Variants in PDSS1 observed in about 807,000 individuals in gnomAD.
PDSS1 encodes all trans-polyprenyl-diphosphate synthase PDSS1.
A neutral mutation model predicts 57.5 loss-of-function variants in PDSS1; 43 were observed. The observed-to-expected ratio is 0.75, with a 90% CI of 0.59 to 0.96. The LOEUF is 0.96. PDSS1 is among the 50% of genes least tolerant of loss of function. The pLI is 0.00. For missense variants in PDSS1, 438 were observed against 527.8 expected, an observed-to-expected ratio of 0.83 and a Z score of 1.67; for synonymous variants, 175 against 191.3, an observed-to-expected ratio of 0.91 and a Z score of 0.70.
Position 26,697,799 on chromosome 10 carries a change from G to A in PDSS1, c.88G>A (p.Gly30Arg). ...CGGGCCCGGCTCCCCCGGCCGTGCG[G>A]GACCGTTGGGGCCGAGCGCCGCTGC... ...SPGPGSPGRAGPLGPSAAAEV... is the reference protein window; with the variant it reads ...SPGPGSPGRARPLGPSAAAEV... Residue 30 changes from glycine to arginine, a missense_variant, in exon 1 of 12, where the codon GGA (glycine) becomes AGA (arginine). Gly to Arg is a moderately radical substitution (Grantham distance 125, BLOSUM62 -2). Transcript: ENST00000376215. 1.5e-6 allele frequency: 2 copies of A among 1,344,100 alleles called. No homozygotes were observed. The highest frequency in any genetic ancestry group is 1.9e-6 in the Non-Finnish European group (2 of 1,045,614). 83.3% of individuals were successfully genotyped at this position (1,344,100 alleles called of 1,614,324 possible). A position where few individuals can be genotyped will look rare whatever the true frequency, so the allele number is the denominator to read the frequency against.
At chr10:26,742,265 G>GACTAAT (rs890764494) in intron 10 of PDSS1, among the ~76,000 whole-genome samples, 5 of 152,246 alleles carry the variant, frequency 3.3e-5, no homozygotes, top group African/African-American at 4.8e-5. Context: ...AATAAACAAG[G>GACTAAT]ACTAATGTCT....
chr10:26,725,899 G>A (rs1835934820), intron 8 of PDSS1, among the ~76,000 whole-genome samples: 1 of 152,176 alleles, frequency 6.6e-6, no homozygotes, highest in African/African-American at 2.4e-5. Context: ...AACATAGCAA[G>A]ATCCCCATCT....
chr10:26,721,423 T>TATATACAC (rs10645608), intron 6 of PDSS1, among the ~76,000 whole-genome samples: 6 of 149,268 alleles, frequency 4.0e-5, no homozygotes, highest in African/African-American at 1.5e-4. Context: ...GATATATGTA[T>TATATACAC]ACACACACAC....
At chr10:26,699,648 CG>C (rs1276139266) in intron 1 of PDSS1, among the ~76,000 whole-genome samples, 2 of 152,082 alleles carry the variant, frequency 1.3e-5, no homozygotes, top group Non-Finnish European at 2.9e-5. Context: ...ACCCCCTCCT[CG>C]GCCTCCCAAA....
chr10:26,730,164 G>C (rs1051940494), intron 8 of PDSS1, among the ~76,000 whole-genome samples: 1 of 151,560 alleles, frequency 6.6e-6, no homozygotes, highest in East Asian at 1.9e-4. Flanking sequence ...CGCCCACCTC[G>C]GCCTCCCAAA....
rs568193349 is a variant in PDSS1, at chr10:26,704,701, C to T, written c.187C>T (p.His63Tyr). ...SQIPYINLVK[H>Y]LTSACPNVCR... ...GATACCCTATATTAATCTTGTGAAG[C>T]ATTTAACATCTGCCTGTCCAAATGT... The change falls in exon 3 of 12, where the codon CAT becomes TAT. Residue 63 changes from histidine to tyrosine, a missense_variant. By Grantham distance (83) the His-to-Tyr change is moderately conservative (BLOSUM62 2). Around this residue, in one of 2 missense-constraint regions of PDSS1, gnomAD observed 154 missense variants for 137.0 expected, o/e 1.12. Coordinates refer to ENST00000376215, the MANE Select transcript of PDSS1 (RefSeq NM_014317.5). The T allele has an allele frequency of 9.0e-6, 13 of 1,438,062 alleles. No individual in the cohort carries two copies. The highest frequency in any genetic ancestry group is 2.8e-5 in the African/African-American group (2 of 71,718). 89.1% of individuals were successfully genotyped at this position (1,438,062 alleles called of 1,614,324 possible). A position where few individuals can be genotyped will look rare whatever the true frequency, so the allele number is the denominator to read the frequency against.
Position 26,745,973 on chromosome 10 carries a change from G to T in PDSS1, c.1108-360G>T, listed in dbSNP as rs139814128. Among the ~76,000 whole-genome samples, 1,248 of 151,990 alleles carry T rather than the reference G, an allele frequency of 8.2e-3. 6 individuals are homozygous for T. The highest frequency in any genetic ancestry group is 0.014 in the Middle Eastern group (4 of 294). On this transcript the variant is annotated intron_variant, in intron 11 of 11. Coordinates refer to ENST00000376215, the MANE Select transcript of PDSS1 (RefSeq NM_014317.5). ...TATGTCTTTATTCTTTATTTTTTAA[G>T]TAAGTTTTACTTGTGTTTTTTTTAC...
intron 7 of PDSS1, 32 bp downstream of exon 7, chr10:26,723,949 T>C (rs1835870686): frequency 6.3e-7 from 1 of 1,587,232 alleles, no homozygotes; most frequent in East Asian, 2.2e-5. Context: ...TTCTTTGTTA[T>C]TCAACCCTGG....
Position 26,704,750 on chromosome 10 carries a change from A to G in PDSS1, c.227+9A>G, listed in dbSNP as rs1437844248. 1.5e-6 allele frequency: 2 copies of G among 1,336,862 alleles called. No individual in the cohort carries two copies. The highest frequency in any genetic ancestry group is 2.2e-6 in the Non-Finnish European group (2 of 927,882). 82.8% of individuals were successfully genotyped at this position (1,336,862 alleles called of 1,614,324 possible). Reference sequence around the variant, plus strand: ...GTATGTCGTATATCACGGTAAGTTTACAGTCCATACTGCAACTACTAAAAT... The same window carrying G: ...GTATGTCGTATATCACGGTAAGTTTGCAGTCCATACTGCAACTACTAAAAT... On this transcript the variant is annotated intron_variant, in intron 3 of 11. Transcript: ENST00000376215.
At chr10:26,698,202 ATTTAC>A (rs1834934641) in intron 1 of PDSS1, among the ~76,000 whole-genome samples, 1 of 152,130 alleles carries the variant, frequency 6.6e-6, no homozygotes. Flanking sequence ...GACTGCAGCT[ATTTAC>A]TTTGGAGTTA....
intron 3 of PDSS1, 109 bp from the exon 4 acceptor site, chr10:26,705,177 A>T (rs910293936): frequency 1.6e-5 from 11 of 705,828 alleles, no homozygotes; most frequent in Non-Finnish European, 2.6e-5. Context: ...ATTCATGATT[A>T]ATTTCTAGCA....
In PDSS1 at chr10:26,703,988, G is replaced by C. The variant is rs182489781; in HGVS notation, c.163-689G>C. On this transcript the variant is annotated intron_variant, in intron 2 of 11. Coordinates refer to ENST00000376215, the MANE Select transcript of PDSS1 (RefSeq NM_014317.5). ...CCCAGCTACTCAGGAGGCTGAGACA[G>C]GAGAATGGCGTGAACCCTGGGGGGC... 2.2e-3 allele frequency among the ~76,000 whole-genome samples: 337 copies of C among 150,254 alleles called. 1 individual carries two copies. Among genetic ancestry groups the C allele is most frequent in the African/African-American group, 7.8e-3 (320 of 40,938 alleles).
In PDSS1 at chr10:26,705,371, G is replaced by A; in HGVS notation, c.313G>A (p.Gly105Ser). The A allele has an allele frequency of 6.3e-7, 1 of 1,598,164 alleles. No individual in the cohort carries two copies. Residue 105 changes from glycine to serine, a missense_variant, in exon 4 of 12, where the codon GGT becomes AGT. Physicochemically the swap from Gly to Ser is moderately conservative, Grantham distance 56. This residue lies in a region of PDSS1 where 284 missense variants were observed against 390.7 expected (regional missense o/e 0.73). Coordinates refer to ENST00000376215, the MANE Select transcript of PDSS1 (RefSeq NM_014317.5). ...CAAACTCGGTTGGAGAGACTTGAAA[G>A]GTCTGTATGAGGACATTAGAAAGGT... ...PFKLGWRDLK[G>S]LYEDIRKELL...
At chr10:26,745,862 GA>G (rs201106256) in intron 11 of PDSS1, among the ~76,000 whole-genome samples, 13 of 146,406 alleles carry the variant, frequency 8.9e-5, no homozygotes, top group East Asian at 4.0e-4. Context: ...AAAGAAAAAA[GA>G]AAAAAAAAAC....
chr10:26,712,456 T>TA lies in PDSS1; in HGVS notation c.467+2690dup, dbSNP rs889140825. Among the ~76,000 whole-genome samples the TA allele has an allele frequency of 7.0e-5, 7 of 99,468 alleles. 3 individuals are homozygous for TA. The highest frequency in any genetic ancestry group is 1.4e-4 in the Non-Finnish European group (6 of 42,780). The allele number at this position is 99,468 out of a possible 152,430, so 65.3% of individuals were successfully genotyped here. A position where few individuals can be genotyped will look rare whatever the true frequency, so the allele number is the denominator to read the frequency against. ...CAGAGCTGCAGCCTTATTCTCCCTA[T>TA]AAGTGATTGGAGCAGGGCTTAGGAA... On this transcript the variant is annotated intron_variant, in intron 5 of 11. Coordinates refer to ENST00000376215, the MANE Select transcript of PDSS1 (RefSeq NM_014317.5).
At chr10:26,725,167 A>G (rs1835910848) in intron 8 of PDSS1, among the ~76,000 whole-genome samples, 1 of 152,214 alleles carries the variant, frequency 6.6e-6, no homozygotes, top group Non-Finnish European at 1.5e-5. Context: ...CAAAACCTGG[A>G]CAAATGACAT....
chr10:26,745,818 C>T (rs933022492), intron 11 of PDSS1, among the ~76,000 whole-genome samples: 1 of 150,978 alleles, frequency 6.6e-6, no homozygotes, highest in Non-Finnish European at 1.5e-5. Flanking sequence ...TGCACTCTAG[C>T]TTGGGTGACA....
chr10:26,729,602 T>G lies in PDSS1; in HGVS notation c.831+5479T>G, dbSNP rs1012717191. Among the ~76,000 whole-genome samples, 5 of 152,182 alleles carry G rather than the reference T, an allele frequency of 3.3e-5. No individual in the cohort carries two copies. The East Asian group carries it at 9.6e-4, about 29-fold the overall frequency. ...GAATATACCATAGGAGTTTACAAAT[T>G]CATGACTCATATCTCTGTGAAAAAC... On this transcript the variant is annotated intron_variant, in intron 8 of 11. Transcript: ENST00000376215.
At chr10:26,732,704 G>T (rs1171274392) in intron 8 of PDSS1, among the ~76,000 whole-genome samples, 1 of 152,240 alleles carries the variant, frequency 6.6e-6, no homozygotes, top group Non-Finnish European at 1.5e-5. Context: ...CTCAGAAATT[G>T]TTAGCTTTTA....
Sources: gnomAD v4.1 joint callset for allele counts (sites outside exome capture counted in the v4.1 genomes callset) on GRCh38, gnomAD v4.1.1 for gene constraint, gnomAD v4.1.1 regional missense constraint, MANE v1.5 for transcripts, NCBI Gene and HGNC (gene_info 2026-07-23, HGNC 2026-07-21) for gene names.